PRTG: variants seen among roughly 807,000 people sequenced by gnomAD.
PRTG encodes protogenin, also known as immunoglobulin superfamily, DCC subclass, member 5.
PRTG carries 67 observed loss-of-function variants against 122.5 expected under a neutral mutation model. The ratio of observed to expected loss-of-function variants is 0.55; its 90% CI spans 0.45 to 0.67. The LOEUF (loss-of-function observed/expected upper bound fraction) is 0.67. Among genes scored for constraint, PRTG ranks in the 30% least tolerant of loss-of-function variants. The pLI is 0.00. For synonymous variants in PRTG, 554 were observed against 501.1 expected (o/e 1.11, Z -1.41); for missense variants, 1,435 against 1,415.4 (o/e 1.01, Z -0.22).
At chr15:55,638,102 A>C (rs1216786212) in intron 14 of PRTG, among the ~76,000 whole-genome samples, 1 of 152,242 alleles carries the variant, frequency 6.6e-6, no homozygotes, top group Non-Finnish European at 1.5e-5. Flanking sequence ...AAAATATCTT[A>C]GCTAGAGCCA....
At chr15:55,650,484 G>C (rs965892794) in intron 11 of PRTG, among the ~76,000 whole-genome samples, 2 of 152,134 alleles carry the variant, frequency 1.3e-5, no homozygotes, top group African/African-American at 2.4e-5. Flanking sequence ...CATTCTCCCT[G>C]AGAGAAGTCA....
intron 2 of PRTG, among the ~76,000 whole-genome samples, chr15:55,698,082 C>T (rs1007643295): frequency 5.3e-5 from 8 of 152,150 alleles, no homozygotes; most frequent in Admixed American, 1.3e-4. Flanking sequence ...CTTCTCCTGA[C>T]GCTCTTAATC....
Position 55,611,774 on chromosome 15 carries a change from T to C in PRTG, c.*8238A>G, listed in dbSNP as rs1189772143. The C allele has an allele frequency of 6.6e-6, 1 of 151,692 alleles. No individual in the cohort carries two copies. Among genetic ancestry groups the C allele is most frequent in the Non-Finnish European group, 1.5e-5 (1 of 67,854 alleles). The allele number at this position is 151,692 out of a possible 1,614,324, so 9.4% of individuals were successfully genotyped here. ...TAAACAAATATGTTTTAAGAAGACA[T>C]TAAAAAGATACATTCAAAATCAAGG... On this transcript the variant is annotated 3_prime_UTR_variant, in exon 20 of 20. Coordinates refer to ENST00000389286, the MANE Select transcript of PRTG (RefSeq NM_173814.6).
intron 11 of PRTG, among the ~76,000 whole-genome samples, chr15:55,642,597 CA>C (rs10708251): frequency 0.59 from 56,318 of 95,048 alleles, 13,195 homozygotes; most frequent in Middle Eastern, 0.66. Flanking sequence ...AACTCCATCT[CA>C]AAAAAAAAAA....
rs577821746 is a variant in PRTG at position 55,742,910 on chromosome 15, G to A, written c.22C>T (p.Leu8Phe). 7 of 1,528,128 alleles carry A rather than the reference G, an allele frequency of 4.6e-6. No homozygotes were observed. Among genetic ancestry groups the A allele is most frequent in the Non-Finnish European group, 6.2e-6 (7 of 1,137,020 alleles). 94.7% of individuals were successfully genotyped at this position (1,528,128 alleles called of 1,614,324 possible). A position where few individuals can be genotyped will look rare whatever the true frequency, so the allele number is the denominator to read the frequency against. ...ATCCCCGGCGGTCGCAGCCGGGCGA[G>A]GGGTCGCAGAGGAGGCGCCATTCAG... MAPPLRPLARLRPPGMLL... is the reference protein window; with the variant it reads MAPPLRPFARLRPPGMLL... The change falls in exon 1 of 20, where the codon CTC becomes TTC. Residue 8 changes from leucine (L) to phenylalanine (F), a missense_variant. Physicochemically the swap from Leu to Phe is conservative, Grantham distance 22. Transcript: ENST00000389286.
chr15:55,703,577 AAAAT>A (rs1304276149), intron 2 of PRTG, among the ~76,000 whole-genome samples: 1 of 152,234 alleles, frequency 6.6e-6, no homozygotes, highest in Non-Finnish European at 1.5e-5. Flanking sequence ...ACACCTCAGC[AAAAT>A]AAATAGGAAC....
chr15:55,668,270 C>CT (rs1262490575), intron 11 of PRTG, among the ~76,000 whole-genome samples: 1 of 152,096 alleles, frequency 6.6e-6, no homozygotes, highest in Non-Finnish European at 1.5e-5. Context: ...TGTTAAACAA[C>CT]AGTATTACAT....
At chr15:55,640,977 C>T (rs539703325) in intron 12 of PRTG, 136 bp downstream of exon 12, 3 of 537,012 alleles carry the variant, frequency 5.6e-6, no homozygotes, top group Admixed American at 7.3e-5. Flanking sequence ...AACAAAAAAA[C>T]TACGCTATAC....
intron 11 of PRTG, among the ~76,000 whole-genome samples, chr15:55,652,513 C>T (rs1456468477): frequency 6.6e-6 from 1 of 152,036 alleles, no homozygotes; most frequent in Admixed American, 6.6e-5. Flanking sequence ...CTGCACTGCC[C>T]CCAAGCCTGT....
intron 11 of PRTG, among the ~76,000 whole-genome samples, chr15:55,649,661 CAAAG>C (rs752632270): frequency 3.1e-4 from 47 of 151,964 alleles, no homozygotes; most frequent in East Asian, 2.5e-3. Flanking sequence ...GGTGAGCACA[CAAAG>C]AAAGTAATTC....
chr15:55,679,741 G>A, intron 6 of PRTG: 1 of 421,916 alleles, frequency 2.4e-6, no homozygotes, highest in Non-Finnish European at 4.2e-6. Context: ...CAGTGCAAGT[G>A]GCAATAATCA....
intron 11 of PRTG, among the ~76,000 whole-genome samples, chr15:55,653,663 C>T (rs1567084703): frequency 6.6e-6 from 1 of 152,066 alleles, no homozygotes; most frequent in Non-Finnish European, 1.5e-5. Flanking sequence ...GGGGTTTTGC[C>T]CTGTTAGCCA....
intron 11 of PRTG, among the ~76,000 whole-genome samples, chr15:55,642,969 A>G (rs2059300871): frequency 6.6e-6 from 1 of 152,042 alleles, no homozygotes; most frequent in African/African-American, 2.4e-5. Context: ...GCTGCTCAGG[A>G]GGCTAAAGCA....
chr15:55,651,512 G>A (rs541389047), intron 11 of PRTG, among the ~76,000 whole-genome samples: 75 of 152,272 alleles, frequency 4.9e-4, no homozygotes, highest in Non-Finnish European at 9.8e-4. Flanking sequence ...ACCATGAAGA[G>A]TAAGTACTGC....
chr15:55,651,133 T>G (rs1000700539), intron 11 of PRTG, among the ~76,000 whole-genome samples: 2 of 152,026 alleles, frequency 1.3e-5, no homozygotes, highest in Non-Finnish European at 2.9e-5. Flanking sequence ...AGAAATCAGA[T>G]AGCAAATAGT....
chr15:55,688,775 A>G (rs2059584495), intron 2 of PRTG, among the ~76,000 whole-genome samples: 1 of 152,232 alleles, frequency 6.6e-6, no homozygotes, highest in South Asian at 2.1e-4. Context: ...CAGAGGTTGC[A>G]GTGAGCTGAG....
At chr15:55,675,489 C>G (rs368285166) in intron 9 of PRTG, 30 bp downstream of exon 9, 28 of 1,494,604 alleles carry the variant, frequency 1.9e-5, no homozygotes, top group Non-Finnish European at 2.4e-5. Flanking sequence ...AATGTTCATA[C>G]TGAAATGATC....
chr15:55,718,433 C>T (rs2917839), intron 2 of PRTG, among the ~76,000 whole-genome samples: 151,946 of 152,022 alleles, frequency 1, 75,935 homozygotes, highest in Middle Eastern at 1. Flanking sequence ...GTCTTTCTAA[C>T]CTTCCTTTTC....
At chr15:55,655,900 G>T (rs1028845763) in intron 11 of PRTG, 1 of 152,440 alleles carries the variant, frequency 6.6e-6, no homozygotes, top group African/African-American at 2.4e-5. Flanking sequence ...GTCAGTACAA[G>T]AGTATAGGGC....
Sources: allele counts gnomAD v4.1 joint callset (sites outside exome capture counted in the v4.1 genomes callset), GRCh38; gene constraint gnomAD v4.1.1; transcripts MANE v1.5; gene names NCBI Gene and HGNC (gene_info 2026-07-23, HGNC 2026-07-21).